Variants in SNX18 observed in about 807,000 individuals in gnomAD.
SNX18 encodes sorting nexin 18, also known as sorting nexin-18.
A neutral mutation model predicts 48.7 loss-of-function variants in SNX18; 35 were observed. The observed-to-expected ratio is 0.72, with a 90% CI of 0.55 to 0.95. The LOEUF is 0.95. SNX18 is among the 40% of genes least tolerant of loss of function. SNX18 has a pLI of 0.00. For synonymous variants in SNX18, 492 were observed against 384.7 expected, an observed-to-expected ratio of 1.28 and a Z score of -3.26; for missense variants, 824 against 871.0, an observed-to-expected ratio of 0.95 and a Z score of 0.68.
At chr5:54,537,619 A>G (rs866944064) in intron 1 of SNX18, among the ~76,000 whole-genome samples, 2 of 150,526 alleles carry the variant, frequency 1.3e-5, no homozygotes, top group Admixed American at 1.3e-4. Flanking sequence ...CCATTCTTTC[A>G]TTTCCGTCTT....
the SNX18 span, among the ~76,000 whole-genome samples, chr5:54,636,432 G>T: frequency 6.7e-6 from 1 of 148,996 alleles, no homozygotes; most frequent in Admixed American, 6.7e-5. Flanking sequence ...AATCTTCAGT[G>T]AAAAAAAAAA....
At chr5:54,559,538 A>G in the SNX18 span, among the ~76,000 whole-genome samples, 1 of 152,270 alleles carries the variant, frequency 6.6e-6, no homozygotes, top group South Asian at 2.1e-4. Flanking sequence ...TTGAAACTGG[A>G]CGCCTTCCTT....
the SNX18 span, among the ~76,000 whole-genome samples, chr5:54,552,206 G>A: frequency 2.0e-5 from 3 of 152,174 alleles, no homozygotes; most frequent in Admixed American, 2.0e-4. Flanking sequence ...GCGGCTGGCT[G>A]GTGTTTTGAC....
At chr5:54,589,178 C>G in the SNX18 span, among the ~76,000 whole-genome samples, 4 of 152,162 alleles carry the variant, frequency 2.6e-5, no homozygotes, top group African/African-American at 9.7e-5. Context: ...CTTCTGTTCC[C>G]CCAGGCCAGT....
At chr5:54,602,002 C>G in the SNX18 span, among the ~76,000 whole-genome samples, 1 of 152,196 alleles carries the variant, frequency 6.6e-6, no homozygotes. Context: ...TGCCAACTTC[C>G]TGAAACTAGT....
the SNX18 span, among the ~76,000 whole-genome samples, chr5:54,640,333 C>T: frequency 5.3e-5 from 8 of 151,906 alleles, no homozygotes; most frequent in African/African-American, 4.8e-5. Flanking sequence ...CCTGCTTTAT[C>T]CTCCCAAGTA....
chr5:54,548,967 T>C (rs1762614185), downstream of SNX18, among the ~76,000 whole-genome samples: 2 of 152,232 alleles, frequency 1.3e-5, no homozygotes, highest in South Asian at 4.1e-4. Flanking sequence ...ATCTCTTTAT[T>C]CCTTGCCATG....
At chr5:54,639,826 G>A in the SNX18 span, among the ~76,000 whole-genome samples, 58 of 152,154 alleles carry the variant, frequency 3.8e-4, no homozygotes, top group African/African-American at 1.4e-3. Flanking sequence ...GGGGTTAAGT[G>A]ATTAGGCTGA....
intron 1 of SNX18, among the ~76,000 whole-genome samples, chr5:54,526,652 C>G (rs1762136748): frequency 6.6e-6 from 1 of 152,166 alleles, no homozygotes; most frequent in South Asian, 2.1e-4. Flanking sequence ...ATGTACCCAT[C>G]ATCGTCCAGG....
chr5:54,590,575 A>C, the SNX18 span, among the ~76,000 whole-genome samples: 5 of 151,824 alleles, frequency 3.3e-5, no homozygotes, highest in Admixed American at 2.6e-4. Context: ...CTGGTCAGTG[A>C]CCCCCTACTT....
At chr5:54,592,267 T>C in the SNX18 span, among the ~76,000 whole-genome samples, 2 of 152,106 alleles carry the variant, frequency 1.3e-5, no homozygotes, top group African/African-American at 4.8e-5. Flanking sequence ...AGAATCAACC[T>C]TCCCTTCTTT....
At position 54,534,154 on chromosome 5, in the gene SNX18, G is replaced by A. The variant is rs186611398; in HGVS notation, c.1622-9025G>A. ...TACACCATGGCTTCTGTTTCCTGGGGAAGGGCCCCTGGAAGACAGAAATCG... is the reference window on the plus strand; with the variant it reads ...TACACCATGGCTTCTGTTTCCTGGGAAAGGGCCCCTGGAAGACAGAAATCG... On this transcript the variant is annotated intron_variant, in intron 1 of 1. Transcript: ENST00000381410. 5.9e-3 allele frequency among the ~76,000 whole-genome samples: 893 copies of A among 152,192 alleles called. 3 individuals are homozygous for A. Among genetic ancestry groups the A allele is most frequent in the Non-Finnish European group, 8.7e-3 (594 of 68,008 alleles).
chr5:54,557,916 A>G, the SNX18 span, among the ~76,000 whole-genome samples: 1 of 152,188 alleles, frequency 6.6e-6, no homozygotes, highest in Non-Finnish European at 1.5e-5. Flanking sequence ...TTTTTAAAAT[A>G]GAGACAGAAC....
the SNX18 span, among the ~76,000 whole-genome samples, chr5:54,608,193 A>G: frequency 1.3e-5 from 2 of 152,136 alleles, no homozygotes; most frequent in Non-Finnish European, 2.9e-5. Flanking sequence ...TATGGTCACT[A>G]TCTTTTTCTT....
the SNX18 span, among the ~76,000 whole-genome samples, chr5:54,638,943 C>T: frequency 6.6e-6 from 1 of 152,146 alleles, no homozygotes; most frequent in East Asian, 1.9e-4. Flanking sequence ...GCTACTAGAG[C>T]AGTAATTCTG....
At chr5:54,548,694 G>T (rs1762611015), downstream of SNX18, among the ~76,000 whole-genome samples, 1 of 152,216 alleles carries the variant, frequency 6.6e-6, no homozygotes, top group Non-Finnish European at 1.5e-5. Flanking sequence ...CATGGGAGAT[G>T]ATAACAATTT....
chr5:54,544,017 A>G lies in SNX18; in HGVS notation c.*585A>G, dbSNP rs1185717103. 1 of 108,762 alleles carries G rather than the reference A, an allele frequency of 9.2e-6. No individual in the cohort carries two copies. The highest frequency in any genetic ancestry group is 1.7e-5 in the Non-Finnish European group (1 of 58,152). 6.7% of individuals were successfully genotyped at this position (108,762 alleles called of 1,614,324 possible). ...ATAATGACAAACTGATGATAACCTTATATTGGCAGTAGGGGGTGGGGGGGG... is the reference window on the plus strand; with the variant it reads ...ATAATGACAAACTGATGATAACCTTGTATTGGCAGTAGGGGGTGGGGGGGG... On this transcript the variant is annotated 3_prime_UTR_variant, in exon 2 of 2. Coordinates refer to ENST00000381410, the MANE Select transcript of SNX18 (RefSeq NM_001102575.2).
At chr5:54,519,772 C>A in intron 1 of SNX18, 199 bp downstream of exon 1, 1 of 1,614,100 alleles carries the variant, frequency 6.2e-7, no homozygotes. Flanking sequence ...GAGTATCTTG[C>A]ATTAGGGAAT....
At chr5:54,522,317 C>T (rs1762047311) in intron 1 of SNX18, among the ~76,000 whole-genome samples, 5 of 152,152 alleles carry the variant, frequency 3.3e-5, no homozygotes, top group Admixed American at 3.3e-4. Context: ...CCAACTGTTA[C>T]ACACTTGAAA....
Sources: gnomAD v4.1 joint callset for allele counts (sites outside exome capture counted in the v4.1 genomes callset) on GRCh38, gnomAD v4.1.1 for gene constraint, MANE v1.5 for transcripts, NCBI Gene and HGNC (gene_info 2026-07-23, HGNC 2026-07-21) for gene names.